MBD4: variants seen among roughly 807,000 people sequenced by gnomAD.
MBD4 encodes methyl-CpG-binding domain protein 4.
A neutral mutation model predicts 60.2 loss-of-function variants in MBD4; 53 were observed. The observed-to-expected ratio is 0.88, with a 90% CI of 0.71 to 1.11. The LOEUF (loss-of-function observed/expected upper bound fraction) is 1.11, where lower values mean the gene tolerates loss of function less well. MBD4 is among the 50% of genes least tolerant of loss of function. MBD4 has a pLI of 0.00. For synonymous variants in MBD4, 231 were observed against 229.8 expected (o/e 1.01, Z -0.05); for missense variants, 619 against 674.0 (o/e 0.92, Z 0.90).
chr3:129,437,119 GTTTGAATTGTTAC>G lies in MBD4; in HGVS notation c.512_524del (p.Ser171ThrfsTer40). The G allele has an allele frequency of 6.2e-7, 1 of 1,614,020 alleles. No homozygotes were observed. On this transcript the variant is annotated frameshift_variant, in exon 3 of 8. Transcript: ENST00000429544. LOFTEE classifies it high-confidence loss of function. ...ACTTGCTTCGGGTCCTGAGGTTCCA[GTTTGAATTGTTAC>G]TTTGGTTTTGTAGATGGGATGTCAG...
intron 3 of MBD4, among the ~76,000 whole-genome samples, chr3:129,435,423 C>T (rs1577063502): frequency 6.6e-6 from 1 of 152,154 alleles, no homozygotes; most frequent in African/African-American, 2.4e-5. Flanking sequence ...GAACTAGACT[C>T]TTACCACAAA....
intron 3 of MBD4, among the ~76,000 whole-genome samples, chr3:129,436,185 AGAC>A (rs2107754531): frequency 6.6e-6 from 1 of 152,300 alleles, no homozygotes; most frequent in South Asian, 2.1e-4. Context: ...CACCAGGGAG[AGAC>A]GATGGCAGCT....
At position 129,433,900 on chromosome 3, in the gene MBD4, T is replaced by C. The variant is rs1261225248; in HGVS notation, c.1343A>G (p.His448Arg). The C allele has an allele frequency of 6.2e-7, 1 of 1,614,118 alleles. No individual in the cohort carries two copies. Among genetic ancestry groups the C allele is most frequent in the East Asian group, 2.2e-5 (1 of 44,874 alleles). ...AGCGATGAGAAGCTTCCATGGATCA[T>C]GAAAAAGTGTTTCTTGAACGAGATT... is the stretch of plus-strand genomic sequence containing the variant. ...PFNLVQETLF[H>R]DPWKLLIATI... The change falls in exon 5 of 8, where the codon CAT (histidine) becomes CGT (arginine). Residue 448 changes from histidine to arginine, a missense_variant. Physicochemically the swap from His to Arg is conservative, Grantham distance 29. Transcript: ENST00000429544.
In MBD4 at chr3:129,439,866, C is replaced by A; in HGVS notation, c.-33G>T. On this transcript the variant is annotated 5_prime_UTR_variant, in exon 1 of 8. Coordinates refer to ENST00000429544, the MANE Select transcript of MBD4 (RefSeq NM_001276270.2). ...GGTCCGGCTGCAGCAACGAGCCCAG[C>A]GCCGCAACGCCCAGGGTGTGGGGCG... 1.4e-6 allele frequency: 2 copies of A among 1,412,898 alleles called. No homozygotes were observed. The highest frequency in any genetic ancestry group is 2.8e-5 in the African/African-American group (2 of 71,344). 87.5% of individuals were successfully genotyped at this position (1,412,898 alleles called of 1,614,324 possible).
At chr3:129,433,723 G>T in intron 5 of MBD4, 127 bp downstream of exon 5, 1 of 1,067,260 alleles carries the variant, frequency 9.4e-7, no homozygotes, top group Non-Finnish European at 1.4e-6. Flanking sequence ...AAGAGTTTAA[G>T]GGTGAAGGGG....
At position 129,436,987 on chromosome 3, in the gene MBD4, A is replaced by C; in HGVS notation, c.657T>G (p.Gly219=). Residue 219 remains glycine, a synonymous_variant, in exon 3 of 8, where the codon GGT becomes GGG. Coordinates refer to ENST00000429544, the MANE Select transcript of MBD4 (RefSeq NM_001276270.2). ...CCTTTCTGAAGTTAACATCATCAAC[A>C]CCCTCATCTTCTTTCAAAAGCAAAT... ...STHLLLKEDE[G]VDDVNFRKVR... The C allele has an allele frequency of 6.2e-7, 1 of 1,614,052 alleles. No homozygotes were observed.
intron 1 of MBD4, among the ~76,000 whole-genome samples, chr3:129,438,165 ATC>A (rs2107758404): frequency 6.6e-6 from 1 of 152,316 alleles, no homozygotes; most frequent in Admixed American, 6.5e-5. Flanking sequence ...GGTGTTGGAA[ATC>A]TCTGCACAAC....
intron 3 of MBD4, among the ~76,000 whole-genome samples, chr3:129,435,060 G>A (rs915546801): frequency 2.6e-5 from 4 of 152,094 alleles, no homozygotes; most frequent in Non-Finnish European, 4.4e-5. Flanking sequence ...TAGTCAGGAT[G>A]GTTACCTCTA....
intron 5 of MBD4, chr3:129,433,572 C>T (rs1321513164): frequency 1.7e-6 from 1 of 579,994 alleles, no homozygotes; most frequent in Non-Finnish European, 3.0e-6. Context: ...TACTTTTAAA[C>T]ACACATGAAA....
chr3:129,432,590 C>T lies in MBD4; in HGVS notation c.1560G>A (p.Lys520=), dbSNP rs1486833383. The T allele has an allele frequency of 1.9e-6, 3 of 1,614,052 alleles. No individual in the cohort carries two copies. The South Asian group carries it at 3.3e-5, about 18-fold the overall frequency. The change falls in exon 7 of 8, where the codon AAG becomes AAA. Residue 520 remains lysine, a synonymous_variant. Coordinates refer to ENST00000429544, the MANE Select transcript of MBD4 (RefSeq NM_001276270.2). Reference sequence around the variant, plus strand: ...GAAGCTCAATTGGATACTTCCACTGCTTTGTCAGGTATTCATCTGAAGAAT... The same window carrying T: ...GAAGCTCAATTGGATACTTCCACTGTTTTGTCAGGTATTCATCTGAAGAAT... ...IVKFSDEYLT[K]QWKYPIELHG...
At chr3:129,439,654 G>A (rs2072681648) in intron 1 of MBD4, 76 bp downstream of exon 1, 12 of 940,992 alleles carry the variant, frequency 1.3e-5, no homozygotes, top group Non-Finnish European at 2.0e-5. Context: ...GGTTAGAAAG[G>A]CCCACACACT....
rs762689340 is a variant in MBD4 at position 129,431,483 on chromosome 3, G to A, written c.*18C>T. ...GTGCAAAGCTATGCATAACAGATGA[G>A]CTTGAAAGCTGCAGAGTTTAAGATA... On this transcript the variant is annotated 3_prime_UTR_variant, in exon 8 of 8. Coordinates refer to ENST00000429544, the MANE Select transcript of MBD4 (RefSeq NM_001276270.2). The A allele has an allele frequency of 3.1e-6, 5 of 1,600,114 alleles. No homozygotes were observed. The highest frequency in any genetic ancestry group is 3.3e-5 in the Admixed American group (2 of 59,992).
At chr3:129,436,375 A>G (rs2072460550) in intron 3 of MBD4, 86 bp downstream of exon 3, 36 of 1,538,616 alleles carry the variant, frequency 2.3e-5, no homozygotes, top group Non-Finnish European at 3.1e-5. Context: ...TATGGGCACG[A>G]ATACAAGATG....
At position 129,437,865 on chromosome 3, in the gene MBD4, A is replaced by T; in HGVS notation, c.190T>A (p.Leu64Met). ...MIKRSSECNP[L>M]LQEPIASAQF... ...GCAGAAGCGATGGGTTCTTGTAGCA[A>T]GGGATTACATTCACTGCTTCTTTTT... is the stretch of plus-strand genomic sequence containing the variant. Residue 64 changes from leucine (L) to methionine (M), a missense_variant, in exon 2 of 8, where the codon TTG (leucine) becomes ATG (methionine). Coordinates refer to ENST00000429544, the MANE Select transcript of MBD4 (RefSeq NM_001276270.2). 6.2e-7 allele frequency: 1 copy of T among 1,613,952 alleles called. No individual in the cohort carries two copies. Among genetic ancestry groups the T allele is most frequent in the Non-Finnish European group, 8.5e-7 (1 of 1,179,770 alleles).
chr3:129,439,209 T>C (rs1050407937), intron 1 of MBD4, among the ~76,000 whole-genome samples: 1 of 152,146 alleles, frequency 6.6e-6, no homozygotes, highest in Non-Finnish European at 1.5e-5. Flanking sequence ...TGAAATGATA[T>C]TGTTTACAAT....
intron 3 of MBD4, 79 bp downstream of exon 3, chr3:129,436,382 G>A (rs549810433): frequency 6.4e-7 from 1 of 1,561,450 alleles, no homozygotes; most frequent in African/African-American, 1.4e-5. Flanking sequence ...ACGAATACAA[G>A]ATGCAGCATT....
chr3:129,438,787 AACCGGGCGTGGTGGAGCAT>A lies in MBD4; in HGVS notation c.105-856_105-838del, dbSNP rs1206622993. ...CCCAAAAAAACAAAAAAAAACAAGC[AACCGGGCGTGGTGGAGCAT>A]ACCTGTGGTCCCAGCTACTAAGGAG... is the stretch of plus-strand genomic sequence containing the variant. On this transcript the variant is annotated intron_variant, in intron 1 of 7. Transcript: ENST00000429544. Among the ~76,000 whole-genome samples, 3 of 151,928 alleles carry A rather than the reference AACCGGGCGTGGTGGAGCAT, an allele frequency of 2.0e-5. No individual in the cohort carries two copies. The East Asian group carries it at 5.8e-4, about 29-fold the overall frequency.
Position 129,431,345 on chromosome 3 carries a change from T to C in MBD4, c.*156A>G. 1.5e-6 allele frequency: 1 copy of C among 671,826 alleles called. No individual in the cohort carries two copies. The highest frequency in any genetic ancestry group is 2.7e-6 in the Non-Finnish European group (1 of 374,348). The allele number at this position is 671,826 out of a possible 1,614,324, so 41.6% of individuals were successfully genotyped here. A position where few individuals can be genotyped will look rare whatever the true frequency, so the allele number is the denominator to read the frequency against. On this transcript the variant is annotated 3_prime_UTR_variant, in exon 8 of 8. Coordinates refer to ENST00000429544, the MANE Select transcript of MBD4 (RefSeq NM_001276270.2). ...GTTCAAACACATTCAGTAGCAAAGA[T>C]CCACCATTGGCACACACATTAAGAA...
rs769691633 is a variant in MBD4 at position 129,433,856 on chromosome 3, T to C, written c.1387A>G (p.Thr463Ala). The change falls in exon 5 of 8, where the codon ACC becomes GCC. Residue 463 changes from threonine to alanine, a missense_variant. Coordinates refer to ENST00000429544, the MANE Select transcript of MBD4 (RefSeq NM_001276270.2). ...ATGATAATAATCCCCAAACCTGAGGTCCGATTGAGAAATATAGTAGCGATG... is the reference window on the plus strand; with the variant it reads ...ATGATAATAATCCCCAAACCTGAGGCCCGATTGAGAAATATAGTAGCGATG... Reference protein sequence around the residue: ...LLIATIFLNRTSGKMAIPVLW... With the variant: ...LLIATIFLNRASGKMAIPVLW... The C allele has an allele frequency of 8.7e-6, 14 of 1,614,054 alleles. No homozygotes were observed. In the Admixed American group the frequency reaches 2.2e-4, roughly 25 times the overall value.
Sources: allele counts gnomAD v4.1 joint callset (sites outside exome capture counted in the v4.1 genomes callset), GRCh38; gene constraint gnomAD v4.1.1; transcripts MANE v1.5; gene names NCBI Gene and HGNC (gene_info 2026-07-23, HGNC 2026-07-21).